Variants in FAAH2 observed in about 807,000 individuals in gnomAD.
FAAH2 encodes the protein fatty acid amide hydrolase 2, also known as fatty-acid amide hydrolase 2.
A neutral mutation model predicts 36.9 loss-of-function variants in FAAH2; 60 were observed. The observed-to-expected ratio is 1.63, with a 90% CI of 1.32 to 2.02. The LOEUF is 2.02. FAAH2 is among the 30% of genes most tolerant of loss of function. The pLI, the probability that FAAH2 is intolerant of heterozygous loss-of-function variation, is 0.00. For synonymous variants in FAAH2, 214 were observed against 143.8 expected, an observed-to-expected ratio of 1.49 and a Z score of -3.49; for missense variants, 689 against 397.5, an observed-to-expected ratio of 1.73 and a Z score of -6.23.
chrX:57,410,252 A>G (rs2055666221), intron 7 of FAAH2, among the ~76,000 whole-genome samples: 1 of 111,334 alleles, frequency 9.0e-6, no homozygotes, highest in South Asian at 3.8e-4. Context: ...ATGTTTTTAA[A>G]TTTGGTAAGA....
At chrX:57,330,540 C>T (rs1362576754) in intron 3 of FAAH2, among the ~76,000 whole-genome samples, 1 of 110,974 alleles carries the variant, frequency 9.0e-6, no homozygotes, top group African/African-American at 3.3e-5. Context: ...CCTCCATTTG[C>T]CTTGTGATAT....
At chrX:57,455,504 A>T (rs898470743) in intron 10 of FAAH2, among the ~76,000 whole-genome samples, 1 of 111,212 alleles carries the variant, frequency 9.0e-6, no homozygotes, top group African/African-American at 3.3e-5. Flanking sequence ...ATAGAGTGGC[A>T]AGCTAGATAA....
chrX:57,349,528 C>T (rs2053941157), intron 5 of FAAH2, among the ~76,000 whole-genome samples: 1 of 101,350 alleles, frequency 9.9e-6, no homozygotes, highest in Non-Finnish European at 2.0e-5. Context: ...ATGTTTTATA[C>T]ACATATATAT....
chrX:57,303,911 A>G (rs1226032629), intron 2 of FAAH2, among the ~76,000 whole-genome samples: 2 of 112,077 alleles, frequency 1.8e-5, no homozygotes, highest in Admixed American at 1.9e-4. Context: ...TGACTCAATT[A>G]AAAATAACCT....
intron 2 of FAAH2, among the ~76,000 whole-genome samples, chrX:57,296,687 A>G (rs1426962419): frequency 3.6e-5 from 4 of 111,591 alleles, no homozygotes; most frequent in African/African-American, 1.3e-4. Context: ...CCCATGACAA[A>G]GAAGTTAAAA....
chrX:57,258,017 GT>G, the FAAH2 span, among the ~76,000 whole-genome samples: 30 of 111,594 alleles, frequency 2.7e-4, no homozygotes, highest in Non-Finnish European at 4.9e-4. Flanking sequence ...AACATAGCTA[GT>G]TGCATCCGAG....
chrX:57,352,657 G>T (rs372234699), intron 5 of FAAH2, among the ~76,000 whole-genome samples: 12 of 111,036 alleles, frequency 1.1e-4, no homozygotes, highest in African/African-American at 3.6e-4. Context: ...ATTAGAAAAA[G>T]ACGAAGTTAA....
intron 10 of FAAH2, among the ~76,000 whole-genome samples, chrX:57,449,591 T>C (rs748874563): frequency 1.8e-5 from 2 of 111,556 alleles, no homozygotes; most frequent in East Asian, 5.7e-4. Context: ...ATCCTTAATT[T>C]CCTTACCCTT....
the FAAH2 span, among the ~76,000 whole-genome samples, chrX:57,146,710 A>G: frequency 8.9e-6 from 1 of 112,066 alleles, no homozygotes; most frequent in Admixed American, 9.4e-5. Flanking sequence ...TTTGCCATAG[A>G]TGGCTTTTAT....
At chrX:57,182,243 G>A in the FAAH2 span, among the ~76,000 whole-genome samples, 4 of 111,647 alleles carry the variant, frequency 3.6e-5, no homozygotes, top group East Asian at 2.8e-4. Context: ...AAATTAGATC[G>A]AAAGAGCTTT....
intron 10 of FAAH2, among the ~76,000 whole-genome samples, chrX:57,459,188 C>T (rs2056915166): frequency 8.9e-6 from 1 of 112,208 alleles, no homozygotes; most frequent in African/African-American, 3.2e-5. Context: ...GCAGTTTTCC[C>T]CTGAGAGTGC....
At chrX:57,282,388 T>C (rs1404053877), upstream of FAAH2, among the ~76,000 whole-genome samples, 1 of 112,268 alleles carries the variant, frequency 8.9e-6, no homozygotes, top group Non-Finnish European at 1.9e-5. Flanking sequence ...TGTCTGTTTA[T>C]GTTTCTTGCT....
intron 7 of FAAH2, among the ~76,000 whole-genome samples, chrX:57,392,020 C>T (rs1055841344): frequency 5.4e-5 from 6 of 110,788 alleles, no homozygotes; most frequent in Admixed American, 9.7e-5. Context: ...TTATAGTGAT[C>T]TTTAACCTCC....
the FAAH2 span, among the ~76,000 whole-genome samples, chrX:57,279,023 A>G: frequency 8.9e-6 from 1 of 112,334 alleles, no homozygotes; most frequent in East Asian, 2.8e-4. Flanking sequence ...AATTAGTTCA[A>G]CCATTGTGGA....
chrX:57,339,107 C>T lies in FAAH2; in HGVS notation c.623-2164C>T, dbSNP rs151062521. On this transcript the variant is annotated intron_variant, in intron 4 of 10. Coordinates refer to ENST00000374900, the MANE Select transcript of FAAH2 (RefSeq NM_174912.4). ...TAGAATAGACAACTCAGAAATAAGA[C>T]TGCACAACTACAACCATCTGATCTT... Among the ~76,000 whole-genome samples the T allele has an allele frequency of 4.9e-4, 55 of 111,307 alleles. No individual in the cohort carries two copies. In the East Asian group the frequency reaches 0.016, roughly 32 times the overall value.
the FAAH2 span, among the ~76,000 whole-genome samples, chrX:57,234,155 AT>A: frequency 2.7e-5 from 3 of 112,313 alleles, no homozygotes; most frequent in African/African-American, 3.2e-5. Context: ...TTATTTATTT[AT>A]TTTTTTAAAT....
At chrX:57,393,345 C>G (rs1403774668) in intron 7 of FAAH2, 23 of 767,976 alleles carry the variant, frequency 3.0e-5, no homozygotes, top group Non-Finnish European at 4.2e-5. Flanking sequence ...AGAGCGCTGA[C>G]AGTGGCAACA....
chrX:57,216,777 G>T, the FAAH2 span, among the ~76,000 whole-genome samples: 1 of 103,354 alleles, frequency 9.7e-6, no homozygotes, highest in East Asian at 3.1e-4. Context: ...CTTTTTTTCT[G>T]GGTAGATACC....
chrX:57,258,957 G>A, the FAAH2 span, among the ~76,000 whole-genome samples: 1 of 108,500 alleles, frequency 9.2e-6, no homozygotes, highest in Non-Finnish European at 1.9e-5. Context: ...CTGACCTTGT[G>A]GTCTGCCCGC....
Sources: gnomAD v4.1 joint callset for allele counts (sites outside exome capture counted in the v4.1 genomes callset) on GRCh38, gnomAD v4.1.1 for gene constraint, MANE v1.5 for transcripts, NCBI Gene and HGNC (gene_info 2026-07-23, HGNC 2026-07-21) for gene names.